PTPRQ: variants seen among roughly 807,000 people sequenced by gnomAD.
PTPRQ encodes phosphatidylinositol phosphatase PTPRQ.
In PTPRQ, 199 loss-of-function variants were observed where a neutral mutation model predicts 246.0. That is an observed-to-expected ratio of 0.81 (90% CI 0.72 to 0.91). The LOEUF is 0.91. PTPRQ is among the 40% of genes least tolerant of loss of function. The pLI, the probability that PTPRQ is intolerant of heterozygous loss-of-function variation, is 0.00. For missense variants in PTPRQ, 2,624 were observed against 2,528.4 expected (o/e 1.04, Z -0.81); for synonymous variants, 869 against 853.2 (o/e 1.02, Z -0.32).
rs1427651698 is a variant in PTPRQ, at chr12:80,546,550, T to A, written c.3874-6T>A. Reference sequence around the variant, plus strand: ...ATTAACTAATAACTTTTTTTCTGTTTTTCAGAATATATCAGGATTTAAAAC... The same window carrying A: ...ATTAACTAATAACTTTTTTTCTGTTATTCAGAATATATCAGGATTTAAAAC... On this transcript the variant is annotated splice_polypyrimidine_tract_variant and splice_region_variant and intron_variant, in intron 23 of 44. Coordinates refer to ENST00000644991, the MANE Select transcript of PTPRQ (RefSeq NM_001145026.2). The A allele has an allele frequency of 7.2e-6, 11 of 1,538,114 alleles. No individual in the cohort carries two copies. The highest frequency in any genetic ancestry group is 9.6e-6 in the Non-Finnish European group (11 of 1,143,636).
At chr12:80,450,536 T>C (rs1173125313) in intron 3 of PTPRQ, among the ~76,000 whole-genome samples, 1 of 152,092 alleles carries the variant, frequency 6.6e-6, no homozygotes, top group Non-Finnish European at 1.5e-5. Context: ...GCTCTTATTA[T>C]TTTGAGATAC....
At chr12:80,664,726 A>G (rs537805529) in intron 39 of PTPRQ, among the ~76,000 whole-genome samples, 25 of 152,026 alleles carry the variant, frequency 1.6e-4, no homozygotes, top group Non-Finnish European at 2.5e-4. Flanking sequence ...CAAGCACAAC[A>G]CTGAATCAGC....
At chr12:80,516,465 A>G (rs953995942) in intron 17 of PTPRQ, among the ~76,000 whole-genome samples, 2 of 152,244 alleles carry the variant, frequency 1.3e-5, no homozygotes, top group African/African-American at 4.8e-5. Context: ...GGGGAGATAT[A>G]TAACATACAG....
At chr12:80,485,678 T>C (rs1446354733) in intron 9 of PTPRQ, among the ~76,000 whole-genome samples, 1 of 152,096 alleles carries the variant, frequency 6.6e-6, no homozygotes, top group African/African-American at 2.4e-5. Context: ...GCAAAAGATG[T>C]TGAATTATGC....
intron 43 of PTPRQ, among the ~76,000 whole-genome samples, chr12:80,678,235 C>T (rs556213440): frequency 1.8e-4 from 27 of 152,268 alleles, no homozygotes; most frequent in Non-Finnish European, 3.5e-4. Flanking sequence ...TGTATTCCAA[C>T]AGTCATTCTA....
chr12:80,678,804 T>C, intron 44 of PTPRQ, 79 bp downstream of exon 44: 2 of 1,455,200 alleles, frequency 1.4e-6, no homozygotes, highest in Non-Finnish European at 1.8e-6. Flanking sequence ...AATAACCATA[T>C]GTTAAAAATG....
At chr12:80,483,417 C>T (rs1483027543) in intron 8 of PTPRQ, among the ~76,000 whole-genome samples, 4 of 144,058 alleles carry the variant, frequency 2.8e-5, no homozygotes, top group African/African-American at 1.0e-4. Flanking sequence ...GGGAGATATA[C>T]CTAATGCTAG....
intron 9 of PTPRQ, among the ~76,000 whole-genome samples, chr12:80,487,686 T>C (rs1894322727): frequency 6.6e-6 from 1 of 152,128 alleles, no homozygotes; most frequent in African/African-American, 2.4e-5. Context: ...GTCAGTTATT[T>C]CTACATCCAG....
chr12:80,528,051 A>G (rs1023952832), intron 17 of PTPRQ, among the ~76,000 whole-genome samples: 2 of 152,124 alleles, frequency 1.3e-5, no homozygotes, highest in Non-Finnish European at 2.9e-5. Flanking sequence ...TGATCATACC[A>G]CTGCACTCCA....
Position 80,578,136 on chromosome 12 carries a change from T to G in PTPRQ, c.4286-9993T>G, listed in dbSNP as rs188923178. The stretch of plus-strand genomic sequence containing the variant: ...GCACAACGTGCAGGTTTGTTACATA[T>G]GTATACATGTGCCATGTTGGTGTGC... On this transcript the variant is annotated intron_variant, in intron 25 of 44. Coordinates refer to ENST00000644991, the MANE Select transcript of PTPRQ (RefSeq NM_001145026.2). Among the ~76,000 whole-genome samples, 72 of 151,798 alleles carry G rather than the reference T, an allele frequency of 4.7e-4. No individual in the cohort carries two copies. In the East Asian group the frequency reaches 9.0e-3, roughly 19 times the overall value.
intron 35 of PTPRQ, among the ~76,000 whole-genome samples, chr12:80,647,178 C>T (rs1195337583): frequency 6.6e-6 from 1 of 152,102 alleles, no homozygotes; most frequent in Non-Finnish European, 1.5e-5. Context: ...TCTCACTGTC[C>T]TTATATAGGT....
At chr12:80,572,345 T>A (rs1347418785) in intron 25 of PTPRQ, among the ~76,000 whole-genome samples, 1 of 152,120 alleles carries the variant, frequency 6.6e-6, no homozygotes, top group South Asian at 2.1e-4. Context: ...CAATCAATTT[T>A]TATATTGACA....
chr12:80,546,027 G>A (rs1779437455), intron 23 of PTPRQ, among the ~76,000 whole-genome samples: 2 of 151,996 alleles, frequency 1.3e-5, no homozygotes, highest in East Asian at 1.9e-4. Flanking sequence ...TTTTAAAAAG[G>A]CAATTATACG....
chr12:80,546,512 T>A (rs1207734162), intron 23 of PTPRQ, 44 bp from the exon 24 acceptor site: 4 of 1,510,382 alleles, frequency 2.6e-6, no homozygotes, highest in Non-Finnish European at 2.7e-6. Context: ...GATGAACAAT[T>A]TTTTGACAGT....
At chr12:80,454,219 G>C (rs185172456) in intron 3 of PTPRQ, among the ~76,000 whole-genome samples, 7 of 149,256 alleles carry the variant, frequency 4.7e-5, no homozygotes, top group African/African-American at 1.8e-4. Context: ...TAAGCCCGTC[G>C]GAAAAGCGCA....
At chr12:80,559,587 G>A (rs898939116) in intron 25 of PTPRQ, among the ~76,000 whole-genome samples, 1 of 151,908 alleles carries the variant, frequency 6.6e-6, no homozygotes, top group Non-Finnish European at 1.5e-5. Context: ...AAAGAATAAT[G>A]TTCCAATTTA....
intron 37 of PTPRQ, among the ~76,000 whole-genome samples, chr12:80,651,047 G>A (rs185071690): frequency 7.0e-4 from 107 of 152,118 alleles, no homozygotes; most frequent in African/African-American, 2.5e-3. Flanking sequence ...TTCCTACTAT[G>A]TGATAGGCAT....
intron 39 of PTPRQ, among the ~76,000 whole-genome samples, chr12:80,661,463 G>A (rs984168344): frequency 2.0e-5 from 3 of 150,126 alleles, no homozygotes; most frequent in Admixed American, 6.7e-5. Context: ...TATAGAATAT[G>A]GTGATATATT....
chr12:80,617,899 G>C (rs137967675), intron 30 of PTPRQ, among the ~76,000 whole-genome samples: 1 of 151,438 alleles, frequency 6.6e-6, no homozygotes, highest in Non-Finnish European at 1.5e-5. Context: ...CAAGTGGCCT[G>C]GCTGAGAATC....
Sources: allele counts gnomAD v4.1 joint callset (sites outside exome capture counted in the v4.1 genomes callset), GRCh38; gene constraint gnomAD v4.1.1; transcripts MANE v1.5; gene names NCBI Gene and HGNC (gene_info 2026-07-23, HGNC 2026-07-21).